Variants in C1orf21 observed in about 807,000 individuals in gnomAD.
C1orf21 encodes chromosome 1 open reading frame 21, also known as uncharacterized protein C1orf21.
Under a neutral mutation model 18.7 loss-of-function variants are expected in C1orf21, and 3 were observed. The observed-to-expected ratio is 0.16, with a 90% CI of 0.07 to 0.42. The LOEUF (loss-of-function observed/expected upper bound fraction) is 0.42, where lower values mean the gene tolerates loss of function less well. Ranked by LOEUF, C1orf21 falls within the 10% of genes least tolerant of loss-of-function variation. The pLI is 0.99. For synonymous variants in C1orf21, 41 were observed against 46.4 expected (o/e 0.88, Z 0.47); for missense variants, 104 against 143.6 (o/e 0.72, Z 1.41).
rs1355840512 is a variant in C1orf21 at position 184,625,333 on chromosome 1, G to T, written c.*5777G>T. 1 of 152,556 alleles carries T rather than the reference G, an allele frequency of 6.6e-6. No homozygotes were observed. The highest frequency in any genetic ancestry group is 6.5e-5 in the Admixed American group (1 of 15,280). The allele number at this position is 152,556 out of a possible 1,614,324, so 9.5% of individuals were successfully genotyped here. A position where few individuals can be genotyped will look rare whatever the true frequency, so the allele number is the denominator to read the frequency against. ...GCATTGACTCTAAAGGGAGAGAATA[G>T]CCCCTGTGTCCTGGCATTTCAGTCT... On this transcript the variant is annotated 3_prime_UTR_variant, in exon 6 of 6. Coordinates refer to ENST00000235307, the MANE Select transcript of C1orf21 (RefSeq NM_030806.4).
chr1:184,449,022 C>T (rs186542823), intron 1 of C1orf21, among the ~76,000 whole-genome samples: 15 of 152,012 alleles, frequency 9.9e-5, no homozygotes, highest in Admixed American at 2.6e-4. Flanking sequence ...AGTATTTTAA[C>T]AATGAAAATC....
intron 1 of C1orf21, among the ~76,000 whole-genome samples, chr1:184,450,753 C>A (rs1657109454): frequency 6.6e-6 from 1 of 152,104 alleles, no homozygotes; most frequent in Non-Finnish European, 1.5e-5. Context: ...CAAGAGAGAA[C>A]CTAACCTATT....
chr1:184,418,231 T>C (rs879398818), intron 1 of C1orf21, among the ~76,000 whole-genome samples: 12 of 152,044 alleles, frequency 7.9e-5, no homozygotes, highest in Admixed American at 7.8e-4. Context: ...TTCTCTTTAT[T>C]TTTTGGAGAT....
chr1:184,416,783 C>T (rs908730912), intron 1 of C1orf21, among the ~76,000 whole-genome samples: 6 of 152,132 alleles, frequency 3.9e-5, no homozygotes, highest in Non-Finnish European at 5.9e-5. Flanking sequence ...ACACAGACTT[C>T]GGAGGCAGCT....
chr1:184,517,217 A>G (rs1374290885), intron 3 of C1orf21, among the ~76,000 whole-genome samples: 2 of 152,244 alleles, frequency 1.3e-5, no homozygotes. Flanking sequence ...AATGTTTGTT[A>G]TAGTAATATA....
At chr1:184,601,126 T>C (rs750608545) in intron 5 of C1orf21, among the ~76,000 whole-genome samples, 13 of 152,242 alleles carry the variant, frequency 8.5e-5, no homozygotes, top group Non-Finnish European at 1.2e-4. Context: ...AAGATTAAAC[T>C]CACCTAGAGC....
intron 3 of C1orf21, among the ~76,000 whole-genome samples, chr1:184,531,297 A>G (rs1483817224): frequency 6.6e-6 from 1 of 152,042 alleles, no homozygotes; most frequent in African/African-American, 2.4e-5. Flanking sequence ...TGCAGGTTAC[A>G]TCTCTACACT....
At chr1:184,593,861 G>T (rs1456100085) in intron 4 of C1orf21, among the ~76,000 whole-genome samples, 20 of 152,164 alleles carry the variant, frequency 1.3e-4, no homozygotes. Context: ...AATATTACAA[G>T]AAAAGAGTAA....
At chr1:184,416,915 A>G (rs1656461954) in intron 1 of C1orf21, among the ~76,000 whole-genome samples, 1 of 152,226 alleles carries the variant, frequency 6.6e-6, no homozygotes, top group South Asian at 2.1e-4. Context: ...TTTTAAAACA[A>G]AAATTGGTCA....
chr1:184,388,050 A>C (rs983803600), intron 1 of C1orf21, among the ~76,000 whole-genome samples: 4 of 152,190 alleles, frequency 2.6e-5, no homozygotes, highest in Non-Finnish European at 5.9e-5. Context: ...CAGTTCGCGA[A>C]GTGCCGCCGC....
intron 3 of C1orf21, among the ~76,000 whole-genome samples, chr1:184,577,443 G>T (rs1385636427): frequency 6.6e-6 from 1 of 152,072 alleles, no homozygotes; most frequent in Non-Finnish European, 1.5e-5. Context: ...GTCATTTTAA[G>T]CCACTGAATG....
At chr1:184,609,100 G>T (rs2102007358) in intron 5 of C1orf21, among the ~76,000 whole-genome samples, 1 of 152,328 alleles carries the variant, frequency 6.6e-6, no homozygotes, top group Middle Eastern at 3.4e-3. Flanking sequence ...GGAGAGGAAA[G>T]AAAGGAACCA....
At chr1:184,409,272 C>T (rs1051467472) in intron 1 of C1orf21, among the ~76,000 whole-genome samples, 2 of 152,082 alleles carry the variant, frequency 1.3e-5, no homozygotes, top group East Asian at 1.9e-4. Flanking sequence ...TGAGCAGGTC[C>T]TTCTTATGTT....
chr1:184,618,538 A>G (rs1209649753), intron 5 of C1orf21, among the ~76,000 whole-genome samples: 2 of 152,180 alleles, frequency 1.3e-5, no homozygotes, highest in East Asian at 1.9e-4. Context: ...TGACCAAAAA[A>G]CATGTAATAC....
At chr1:184,500,190 A>G (rs1428304389) in intron 2 of C1orf21, among the ~76,000 whole-genome samples, 1 of 152,156 alleles carries the variant, frequency 6.6e-6, no homozygotes, top group Non-Finnish European at 1.5e-5. Flanking sequence ...CCTTCCTAAA[A>G]GAGTCCAGGC....
chr1:184,511,909 C>T (rs1658154473), intron 3 of C1orf21, among the ~76,000 whole-genome samples: 2 of 152,106 alleles, frequency 1.3e-5, no homozygotes, highest in Admixed American at 1.3e-4. Context: ...GGGAACTGCC[C>T]CCATGATCTA....
chr1:184,449,665 C>T (rs1189845005), intron 1 of C1orf21, among the ~76,000 whole-genome samples: 2 of 152,092 alleles, frequency 1.3e-5, no homozygotes, highest in Admixed American at 1.3e-4. Context: ...GACCCATTTT[C>T]CAGGAAATAT....
chr1:184,433,080 A>C (rs73063527), intron 1 of C1orf21, among the ~76,000 whole-genome samples: 14,365 of 152,172 alleles, frequency 0.094, 1,305 homozygotes, highest in African/African-American at 0.23. Flanking sequence ...CTGTCCCCAG[A>C]CATAGGTGGA....
chr1:184,428,900 C>A (rs1656687667), intron 1 of C1orf21, among the ~76,000 whole-genome samples: 1 of 152,042 alleles, frequency 6.6e-6, no homozygotes, highest in Admixed American at 6.6e-5. Context: ...TAAGGACTTG[C>A]CAAATAAAAG....
Sources: gnomAD v4.1 joint callset for allele counts (sites outside exome capture counted in the v4.1 genomes callset) on GRCh38, gnomAD v4.1.1 for gene constraint, MANE v1.5 for transcripts, NCBI Gene and HGNC (gene_info 2026-07-23, HGNC 2026-07-21) for gene names.